Variants in ZNF223 observed in about 807,000 individuals in gnomAD.
ZNF223 encodes Homo sapiens zinc finger protein 223.
In ZNF223, 9 loss-of-function variants were observed where a neutral mutation model predicts 12.3. The ratio of observed to expected loss-of-function variants is 0.73; its 90% CI spans 0.44 to 1.28. The LOEUF (loss-of-function observed/expected upper bound fraction) is 1.28, where lower values mean the gene tolerates loss of function less well. ZNF223 is among the 50% of genes most tolerant of loss of function. The pLI, the probability that ZNF223 is intolerant of heterozygous loss-of-function variation, is 0.00. For synonymous variants in ZNF223, 171 were observed against 195.2 expected (o/e 0.88, Z 1.03); for missense variants, 506 against 579.0 (o/e 0.87, Z 1.29).
intron 1 of ZNF223, among the ~76,000 whole-genome samples, chr19:44,054,900 C>A (rs1976745135): frequency 6.6e-6 from 1 of 152,114 alleles, no homozygotes; most frequent in Admixed American, 6.6e-5. Context: ...CTTTACATTT[C>A]CAAATAAGAT....
rs1161044774 is a variant in ZNF223 at position 44,066,335 on chromosome 19, AC to A, written c.508del (p.Arg170AlafsTer126). The A allele has an allele frequency of 6.2e-7, 1 of 1,614,222 alleles. No homozygotes were observed. Among genetic ancestry groups the A allele is most frequent in the African/African-American group, 1.3e-5 (1 of 75,060 alleles). On this transcript the variant is annotated frameshift_variant, in exon 5 of 5. Transcript: ENST00000434772. LOFTEE classifies it low-confidence loss of function (END_TRUNC). ...MSIFDLPQQI[R>X]SAEKSHSCDE... is the part of the protein sequence containing the mutation. ...CCATCTTTGATCTTCCTCAGCAAATACGCTCAGCAGAGAAGTCTCATTCCTG... is the reference window on the plus strand; with the variant it reads ...CCATCTTTGATCTTCCTCAGCAAATAGCTCAGCAGAGAAGTCTCATTCCTG...
intron 1 of ZNF223, 72 bp from the exon 2 acceptor site, chr19:44,055,037 A>T (rs8104954): frequency 0.095 from 65,488 of 686,872 alleles, 3,970 homozygotes; most frequent in Non-Finnish European, 0.13. Flanking sequence ...TGACAATATG[A>T]GTCCTTGTTG....
intron 4 of ZNF223, among the ~76,000 whole-genome samples, chr19:44,063,936 A>G (rs1365131447): frequency 6.6e-6 from 1 of 152,198 alleles, no homozygotes; most frequent in Non-Finnish European, 1.5e-5. Flanking sequence ...CCACTTACCT[A>G]TTAATATTTT....
At chr19:44,054,377 G>C (rs1278793822) in intron 1 of ZNF223, among the ~76,000 whole-genome samples, 2 of 151,712 alleles carry the variant, frequency 1.3e-5, no homozygotes, top group Non-Finnish European at 2.9e-5. Context: ...TTTAAATTAT[G>C]AAGTTTCTTA....
chr19:44,058,384 A>G (rs1398104872), intron 2 of ZNF223, among the ~76,000 whole-genome samples: 4 of 152,152 alleles, frequency 2.6e-5, no homozygotes, highest in African/African-American at 9.7e-5. Context: ...ATCTCTGCCA[A>G]CTTCATGGAA....
chr19:44,053,777 C>A (rs538622369), intron 1 of ZNF223, among the ~76,000 whole-genome samples: 9 of 152,334 alleles, frequency 5.9e-5, no homozygotes, highest in African/African-American at 2.2e-4. Context: ...CCCAGGCTTT[C>A]TTGGGCAGAG....
At chr19:44,065,998 G>A in intron 4 of ZNF223, 66 bp from the exon 5 acceptor site, 2 of 1,518,114 alleles carry the variant, frequency 1.3e-6, no homozygotes, top group Non-Finnish European at 1.8e-6. Flanking sequence ...TGTCCTAAGT[G>A]TGAACTCTTA....
At chr19:44,060,610 T>G in intron 3 of ZNF223, 29 bp downstream of exon 3, 1 of 1,613,816 alleles carries the variant, frequency 6.2e-7, no homozygotes, top group South Asian at 1.1e-5. Context: ...TATAAGGGAA[T>G]GTCAGGCCCC....
chr19:44,067,754 A>ATAC lies in ZNF223; in HGVS notation c.*477_*478insTAC. ...AGTTATTATTCAGGAGACAGGTCTTAGTATAAGAGTTTGTTCACACACTTT... is the reference window on the plus strand; with the variant it reads ...AGTTATTATTCAGGAGACAGGTCTTATACGTATAAGAGTTTGTTCACACACTTT... On this transcript the variant is annotated 3_prime_UTR_variant, in exon 5 of 5. Coordinates refer to ENST00000434772, the MANE Select transcript of ZNF223 (RefSeq NM_013361.6). 4.0e-6 allele frequency: 1 copy of ATAC among 252,948 alleles called. No homozygotes were observed. Among genetic ancestry groups the ATAC allele is most frequent in the South Asian group, 4.8e-5 (1 of 20,922 alleles). The allele number at this position is 252,948 out of a possible 1,614,324, so 15.7% of individuals were successfully genotyped here.
intron 1 of ZNF223, among the ~76,000 whole-genome samples, chr19:44,053,868 G>T (rs1048938368): frequency 1.3e-5 from 2 of 152,172 alleles, no homozygotes; most frequent in African/African-American, 4.8e-5. Flanking sequence ...CAAGCATACT[G>T]CCTGCAAACA....
chr19:44,064,534 T>G (rs1851046448), intron 4 of ZNF223, among the ~76,000 whole-genome samples: 1 of 152,190 alleles, frequency 6.6e-6, no homozygotes, highest in Non-Finnish European at 1.5e-5. Context: ...GATATAAACA[T>G]TCTAAGGTGT....
chr19:44,060,524 C>G lies in ZNF223; in HGVS notation c.85C>G (p.Gln29Glu). The change falls in exon 3 of 5, where the codon CAG (glutamine) becomes GAG (glutamate). Residue 29 changes from glutamine to glutamate, a missense_variant. Coordinates refer to ENST00000434772, the MANE Select transcript of ZNF223 (RefSeq NM_013361.6). ...EEELGLLDLAQRKLYRDVMLE... is the reference protein window; with the variant it reads ...EEELGLLDLAERKLYRDVMLE... ...GGAGCTGGGGCTGCTGGACCTTGCC[C>G]AGAGGAAGCTGTATCGAGATGTGAT... 6.2e-7 allele frequency: 1 copy of G among 1,614,036 alleles called. No homozygotes were observed.
chr19:44,057,993 T>C (rs537225071), intron 2 of ZNF223, among the ~76,000 whole-genome samples: 1 of 152,310 alleles, frequency 6.6e-6, no homozygotes, highest in Admixed American at 6.5e-5. Context: ...AGATGGAATC[T>C]TGACTGTATG....
At chr19:44,063,297 C>T (rs555820365) in intron 4 of ZNF223, 2 of 152,274 alleles carry the variant, frequency 1.3e-5, no homozygotes, top group Admixed American at 6.5e-5. Flanking sequence ...GTGCAGGAAC[C>T]GGAGCAAATG....
At chr19:44,060,370 T>G (rs982410129) in intron 2 of ZNF223, 85 bp from the exon 3 acceptor site, 1 of 1,559,434 alleles carries the variant, frequency 6.4e-7, no homozygotes, top group African/African-American at 1.4e-5. Flanking sequence ...AAACTTTCCA[T>G]TTTTCCTCTT....
At chr19:44,062,561 ATTTTCAACTTTCT>A (rs1296766259) in intron 4 of ZNF223, among the ~76,000 whole-genome samples, 2 of 151,140 alleles carry the variant, frequency 1.3e-5, no homozygotes, top group African/African-American at 2.4e-5. Flanking sequence ...CTGCTTATCC[ATTTTCAACTTTCT>A]TAGGTTTCCT....
In ZNF223 at chr19:44,055,124, C is replaced by T. The variant is rs750105018; in HGVS notation, c.-53C>T. On this transcript the variant is annotated 5_prime_UTR_variant, in exon 2 of 5. Coordinates refer to ENST00000434772, the MANE Select transcript of ZNF223 (RefSeq NM_013361.6). The stretch of plus-strand genomic sequence containing the variant: ...CACTTTCCAGGCACAATTCTGCTTT[C>T]CCTGGAACTGTGTCATTCAGGACTC... The T allele has an allele frequency of 1.9e-6, 3 of 1,597,592 alleles. No individual in the cohort carries two copies. The highest frequency in any genetic ancestry group is 2.2e-5 in the South Asian group (2 of 90,216).
At chr19:44,062,291 C>A (rs1036454947) in intron 4 of ZNF223, among the ~76,000 whole-genome samples, 1 of 152,192 alleles carries the variant, frequency 6.6e-6, no homozygotes, top group African/African-American at 2.4e-5. Flanking sequence ...TGCCTATAAC[C>A]TATGTACATC....
rs965958706 is a variant in ZNF223 at position 44,067,523 on chromosome 19, C to T, written c.*246C>T. On this transcript the variant is annotated 3_prime_UTR_variant, in exon 5 of 5. Transcript: ENST00000434772. ...TGTACTTTTGCATCCATTAGCCAAC[C>T]TTTGGCCATCCCACCTATCCCTTAC... 8 of 537,820 alleles carry T rather than the reference C, an allele frequency of 1.5e-5. No individual in the cohort carries two copies. The highest frequency in any genetic ancestry group is 1.1e-4 in the Admixed American group (5 of 43,690). 33.3% of individuals were successfully genotyped at this position (537,820 alleles called of 1,614,324 possible). A position where few individuals can be genotyped will look rare whatever the true frequency, so the allele number is the denominator to read the frequency against.
Sources: allele counts gnomAD v4.1 joint callset (sites outside exome capture counted in the v4.1 genomes callset), GRCh38; gene constraint gnomAD v4.1.1; transcripts MANE v1.5; gene names NCBI Gene and HGNC (gene_info 2026-07-23, HGNC 2026-07-21).